UPRT: variants seen among roughly 807,000 people sequenced by gnomAD.
UPRT encodes the protein uracil phosphoribosyltransferase homolog.
In UPRT, 5 loss-of-function variants were observed where a neutral mutation model predicts 22.6. The ratio of observed to expected loss-of-function variants is 0.22; its 90% CI spans 0.12 to 0.47. The LOEUF is 0.47. Ranked by LOEUF, UPRT falls within the 20% of genes least tolerant of loss-of-function variation. UPRT has a pLI of 0.99. For missense variants in UPRT, 181 were observed against 239.9 expected (o/e 0.75, Z 1.62); for synonymous variants, 77 against 87.7 (o/e 0.88, Z 0.68).
chrX:75,220,677 A>G (rs1257042831), intron 4 of UPRT, among the ~76,000 whole-genome samples: 2 of 112,037 alleles, frequency 1.8e-5, no homozygotes, highest in African/African-American at 3.2e-5. Context: ...AAAAAATTAA[A>G]TGAGAAGCAA....
intron 4 of UPRT, among the ~76,000 whole-genome samples, chrX:75,214,664 C>A (rs2082387899): frequency 8.9e-6 from 1 of 112,284 alleles, no homozygotes; most frequent in East Asian, 2.8e-4. Context: ...AATTTCAACA[C>A]TTTGAGAGGC....
chrX:75,191,769 G>A (rs189250310), intron 4 of UPRT, among the ~76,000 whole-genome samples: 137 of 112,393 alleles, frequency 1.2e-3, no homozygotes, highest in Non-Finnish European at 2.2e-3. Flanking sequence ...AGCCAGGCAC[G>A]GGATATAATC....
intron 4 of UPRT, among the ~76,000 whole-genome samples, chrX:75,213,344 G>C (rs970621854): frequency 8.9e-6 from 1 of 112,122 alleles, no homozygotes. Context: ...GTTAAACATT[G>C]ATATAAATGT....
chrX:75,207,901 G>A (rs1173346872), intron 4 of UPRT, among the ~76,000 whole-genome samples: 3 of 111,787 alleles, frequency 2.7e-5, no homozygotes, highest in Non-Finnish European at 3.8e-5. Flanking sequence ...AGAGCTTGGT[G>A]TGGTTGGGCA....
intron 4 of UPRT, among the ~76,000 whole-genome samples, chrX:75,205,510 T>C (rs1226473636): frequency 9.0e-5 from 10 of 111,147 alleles, no homozygotes; most frequent in African/African-American, 2.9e-4. Flanking sequence ...AGGTTGGTCC[T>C]GTGAAGAAGG....
chrX:75,172,891 T>A (rs897982550), intron 4 of UPRT, among the ~76,000 whole-genome samples: 1 of 111,166 alleles, frequency 9.0e-6, no homozygotes, highest in Non-Finnish European at 1.9e-5. Context: ...GTAGCAAGAT[T>A]TATTGTAAAG....
intron 4 of UPRT, among the ~76,000 whole-genome samples, chrX:75,239,210 A>T (rs1475499187): frequency 8.9e-6 from 1 of 111,839 alleles, no homozygotes; most frequent in Admixed American, 9.5e-5. Context: ...ATAGACCATT[A>T]GCAAGATTAA....
intron 4 of UPRT, among the ~76,000 whole-genome samples, chrX:75,264,968 G>C (rs1471425167): frequency 1.8e-5 from 2 of 111,776 alleles, no homozygotes; most frequent in Non-Finnish European, 3.8e-5. Context: ...TGAAATTCTG[G>C]GTTGAAAATT....
At position 75,199,274 on chromosome X, in the gene UPRT, C is replaced by T. The variant is rs990059527; in HGVS notation, c.-447+31395C>T. ...CAGCTTGTGGCTCCAAAAGAGACCC[C>T]TTCCTTCCACTTGAGGAGAGAAGGA... On this transcript the variant is annotated intron_variant, in intron 4 of 13. Coordinates refer to the UPRT transcript ENST00000652605. 5.4e-5 allele frequency among the ~76,000 whole-genome samples: 6 copies of T among 111,802 alleles called. No homozygotes were observed. In the South Asian group the frequency reaches 2.3e-3, roughly 42 times the overall value.
intron 4 of UPRT, among the ~76,000 whole-genome samples, chrX:75,179,280 C>A (rs1323448559): frequency 8.9e-6 from 1 of 112,058 alleles, no homozygotes; most frequent in Non-Finnish European, 1.9e-5. Flanking sequence ...AATCCCTGAG[C>A]TGTACATAAA....
intron 4 of UPRT, among the ~76,000 whole-genome samples, chrX:75,209,611 G>C (rs1052848954): frequency 2.7e-5 from 3 of 112,271 alleles, no homozygotes; most frequent in Non-Finnish European, 5.6e-5. Context: ...GACCTCAGGT[G>C]ATCCACCTGC....
At chrX:75,287,846 G>A (rs139471684) in intron 1 of UPRT, among the ~76,000 whole-genome samples, 1,829 of 111,162 alleles carry the variant, frequency 0.016, 32 homozygotes, top group African/African-American at 0.056. Context: ...GAATGAAATT[G>A]ATACACAAAA....
At chrX:75,243,513 G>A (rs764764767) in intron 4 of UPRT, among the ~76,000 whole-genome samples, 12 of 111,497 alleles carry the variant, frequency 1.1e-4, no homozygotes, top group Non-Finnish European at 2.1e-4. Flanking sequence ...AGAGAACGTA[G>A]ATGAAACTTT....
chrX:75,232,829 A>T (rs1443629755), intron 4 of UPRT, among the ~76,000 whole-genome samples: 1 of 111,772 alleles, frequency 8.9e-6, no homozygotes, highest in Non-Finnish European at 1.9e-5. Flanking sequence ...AACCACAAAG[A>T]TGGGGAAAAA....
intron 4 of UPRT, among the ~76,000 whole-genome samples, chrX:75,246,790 G>C (rs952307762): frequency 2.7e-4 from 30 of 111,270 alleles, no homozygotes; most frequent in Non-Finnish European, 5.3e-4. Context: ...TTAATGATCG[G>C]CATTCTAACT....
intron 1 of UPRT, among the ~76,000 whole-genome samples, chrX:75,290,334 G>A (rs2082701605): frequency 8.9e-6 from 1 of 111,945 alleles, no homozygotes; most frequent in African/African-American, 3.2e-5. Flanking sequence ...TAGAAAAGGA[G>A]ATGCTTATAC....
chrX:75,232,874 A>G (rs1183460771), intron 4 of UPRT, among the ~76,000 whole-genome samples: 1 of 112,199 alleles, frequency 8.9e-6, no homozygotes, highest in African/African-American at 3.2e-5. Flanking sequence ...TAAAAAGCAG[A>G]GCGCCTCTCC....
At chrX:75,168,811 G>T (rs1019295346) in intron 4 of UPRT, among the ~76,000 whole-genome samples, 1 of 111,477 alleles carries the variant, frequency 9.0e-6, no homozygotes, top group Non-Finnish European at 1.9e-5. Context: ...TTACGGGCAT[G>T]AGCCACTGTG....
intron 4 of UPRT, among the ~76,000 whole-genome samples, chrX:75,185,804 T>A (rs905110885): frequency 3.6e-5 from 4 of 111,939 alleles, no homozygotes; most frequent in African/African-American, 1.3e-4. Context: ...CTAGTTTATT[T>A]GCGTAGCGGT....
Sources: gnomAD v4.1 joint callset for allele counts (sites outside exome capture counted in the v4.1 genomes callset) on GRCh38, gnomAD v4.1.1 for gene constraint, MANE v1.5 for transcripts, NCBI Gene and HGNC (gene_info 2026-07-23, HGNC 2026-07-21) for gene names.